Variants in SEC14L4 observed in about 807,000 individuals in gnomAD.
SEC14L4 encodes the protein SEC14-like protein 4.
In SEC14L4, 42 loss-of-function variants were observed where a neutral mutation model predicts 55.1. That is an observed-to-expected ratio of 0.76 (90% CI 0.60 to 0.99). The LOEUF is 0.99. SEC14L4 is among the 50% of genes least tolerant of loss of function. The pLI is 0.00. For synonymous variants in SEC14L4, 206 were observed against 206.8 expected (o/e 1.00, Z 0.03); for missense variants, 445 against 512.1 (o/e 0.87, Z 1.27).
intron 2 of SEC14L4, among the ~76,000 whole-genome samples, chr22:30,502,759 C>G (rs996490964): frequency 6.6e-6 from 1 of 152,150 alleles, no homozygotes; most frequent in African/African-American, 2.4e-5. Flanking sequence ...CCATGTTGCC[C>G]AGGCTGGTCT....
chr22:30,492,095 C>T lies in SEC14L4; in HGVS notation c.725G>A (p.Gly242Glu), dbSNP rs1206844430. The change falls in exon 9 of 12, where the codon GGG (glycine) becomes GAG (glutamate). Residue 242 changes from glycine (G) to glutamate (E), a missense_variant. Coordinates refer to ENST00000255858, the MANE Select transcript of SEC14L4 (RefSeq NM_174977.4). ...ISPDQLPVEF[G>E]GTMTDPDGNP... Reference sequence around the variant, plus strand: ...GCCATCGGGGTCAGTCATGGTCCCCCCAAACTCCACAGGCAGCTGGTCGGG... The same window carrying T: ...GCCATCGGGGTCAGTCATGGTCCCCTCAAACTCCACAGGCAGCTGGTCGGG... 1 of 1,613,766 alleles carries T rather than the reference C, an allele frequency of 6.2e-7. No individual in the cohort carries two copies. The highest frequency in any genetic ancestry group is 8.5e-7 in the Non-Finnish European group (1 of 1,179,864).
intron 1 of SEC14L4, 117 bp from the exon 2 acceptor site, chr22:30,503,869 G>A: frequency 1.4e-6 from 1 of 712,078 alleles, no homozygotes; most frequent in Non-Finnish European, 2.4e-6. Context: ...GACCATGCAG[G>A]GTGCTGCCCT....
intron 1 of SEC14L4, among the ~76,000 whole-genome samples, chr22:30,504,930 G>A (rs1174960929): frequency 6.6e-6 from 1 of 152,100 alleles, no homozygotes; most frequent in South Asian, 2.1e-4. Flanking sequence ...GCCTGTCCAA[G>A]AGACCTGCCT....
At chr22:30,494,657 G>A (rs1936078832) in intron 6 of SEC14L4, among the ~76,000 whole-genome samples, 1 of 152,160 alleles carries the variant, frequency 6.6e-6, no homozygotes, top group Non-Finnish European at 1.5e-5. Flanking sequence ...TGACAGGCGT[G>A]AGCCACCACG....
In SEC14L4 at chr22:30,491,589, G is replaced by A; in HGVS notation, c.1065C>T (p.Cys355=). 6.2e-7 allele frequency: 1 copy of A among 1,614,162 alleles called. No individual in the cohort carries two copies. Among genetic ancestry groups the A allele is most frequent in the Non-Finnish European group, 8.5e-7 (1 of 1,180,014 alleles). The change falls in exon 11 of 12, where the codon TGC becomes TGT. Residue 355 remains cysteine (C), a synonymous_variant. Transcript: ENST00000255858. ...AGCTCTTACAGACGCCAGCCTGGAGGCAGGTGAGGCTCCCATCCTCAGGCA... is the reference window on the plus strand; with the variant it reads ...AGCTCTTACAGACGCCAGCCTGGAGACAGGTGAGGCTCCCATCCTCAGGCA... ...HMVPEDGSLT[C]LQAGVYVLRF...
Position 30,489,980 on chromosome 22 carries a change from A to T in SEC14L4, c.*127T>A. 6.4e-7 allele frequency: 1 copy of T among 1,555,386 alleles called. No individual in the cohort carries two copies. Among genetic ancestry groups the T allele is most frequent in the Non-Finnish European group, 8.7e-7 (1 of 1,148,710 alleles). On this transcript the variant is annotated 3_prime_UTR_variant, in exon 12 of 12. Transcript: ENST00000255858. ...CTGTGCCAGGTGAGCCTACAATGAG[A>T]TGAAATGGTGACGTGGGACAAGTGG... is the stretch of plus-strand genomic sequence containing the variant.
chr22:30,504,448 G>GT (rs1279740382), intron 1 of SEC14L4, among the ~76,000 whole-genome samples: 1 of 152,184 alleles, frequency 6.6e-6, no homozygotes. Context: ...CATCTTGAGG[G>GT]TTTAGATTTA....
In SEC14L4 at chr22:30,505,675, T is replaced by A; in HGVS notation, c.-64A>T. The A allele has an allele frequency of 6.9e-7, 1 of 1,454,128 alleles. No homozygotes were observed. The highest frequency in any genetic ancestry group is 9.2e-7 in the Non-Finnish European group (1 of 1,086,622). The allele number at this position is 1,454,128 out of a possible 1,614,324, so 90.1% of individuals were successfully genotyped here. Reference sequence around the variant, plus strand: ...GCCCGCCCGCCGCCGCCTGGCCTTGTATCCGCTGCCGCCTGGTTGTGCCTC... The same window carrying A: ...GCCCGCCCGCCGCCGCCTGGCCTTGAATCCGCTGCCGCCTGGTTGTGCCTC... On this transcript the variant is annotated 5_prime_UTR_variant, in exon 1 of 12. Transcript: ENST00000255858.
chr22:30,500,442 T>G (rs147730112), intron 2 of SEC14L4, among the ~76,000 whole-genome samples: 9 of 152,234 alleles, frequency 5.9e-5, no homozygotes, highest in African/African-American at 2.2e-4. Context: ...TTTTCTGTTG[T>G]GTTGTTTGTT....
chr22:30,495,868 C>G, intron 3 of SEC14L4, 60 bp downstream of exon 3: 2 of 1,593,614 alleles, frequency 1.3e-6, no homozygotes. Context: ...TACCCTTTTG[C>G]AGCAAATCCC....
At chr22:30,495,669 G>T (rs781697018) in intron 3 of SEC14L4, 27 bp from the exon 4 acceptor site, 2 of 1,614,050 alleles carry the variant, frequency 1.2e-6, no homozygotes, top group East Asian at 4.5e-5. Context: ...GGAGCTATAG[G>T]ATTTTGCAGG....
intron 8 of SEC14L4, 115 bp downstream of exon 8, chr22:30,492,359 G>A (rs1935991799): frequency 4.3e-6 from 5 of 1,175,928 alleles, no homozygotes; most frequent in Non-Finnish European, 6.2e-6. Flanking sequence ...AGGCTCACCA[G>A]GGTCAGGCCA....
chr22:30,502,712 G>A (rs1413141346), intron 2 of SEC14L4, among the ~76,000 whole-genome samples: 8 of 151,966 alleles, frequency 5.3e-5, no homozygotes, highest in Non-Finnish European at 1.2e-4. Context: ...CAGCTCACCC[G>A]GCTAATTTTT....
Position 30,494,153 on chromosome 22 carries a change from G to T in SEC14L4, c.577C>A (p.Arg193=). ...PETLKNLIVI[R]APKLFPVAFN... is the part of the protein sequence containing the mutation. ...GTCATCCCGGTCATGGGCTTACCTCGAATAACAATTAAATTCTTCAGGGTC... is the reference window on the plus strand; with the variant it reads ...GTCATCCCGGTCATGGGCTTACCTCTAATAACAATTAAATTCTTCAGGGTC... The change falls in exon 7 of 12, where the codon CGA becomes AGA. Residue 193 remains arginine (R), a synonymous_variant. Coordinates refer to ENST00000255858, the MANE Select transcript of SEC14L4 (RefSeq NM_174977.4). 6.2e-7 allele frequency: 1 copy of T among 1,612,614 alleles called. No homozygotes were observed. Among genetic ancestry groups the T allele is most frequent in the South Asian group, 1.1e-5 (1 of 91,014 alleles).
intron 2 of SEC14L4, among the ~76,000 whole-genome samples, chr22:30,501,953 G>A (rs111853108): frequency 8.5e-4 from 125 of 146,890 alleles, no homozygotes; most frequent in African/African-American, 3.0e-3. Flanking sequence ...TGCAACCTCC[G>A]CCTCCTGGGT....
chr22:30,490,619 G>A lies in SEC14L4; in HGVS notation c.1082-373C>T, dbSNP rs185552732. ...CACAGTATGCTCGTACTGCGTCCTC[G>A]CCTAGTTGCGGTTGCACAGGTAGCT... is the stretch of plus-strand genomic sequence containing the variant. On this transcript the variant is annotated intron_variant, in intron 11 of 11. Coordinates refer to ENST00000255858, the MANE Select transcript of SEC14L4 (RefSeq NM_174977.4). 5.3e-5 allele frequency among the ~76,000 whole-genome samples: 8 copies of A among 152,322 alleles called. No homozygotes were observed. The East Asian group carries it at 5.8e-4, about 11-fold the overall frequency.
At chr22:30,494,781 A>C (rs1012822859) in intron 6 of SEC14L4, 85 bp downstream of exon 6, 21 of 892,180 alleles carry the variant, frequency 2.4e-5, no homozygotes, top group Admixed American at 8.8e-5. Flanking sequence ...CCTCTATCTC[A>C]CTGGATTCTC....
chr22:30,490,120 G>A lies in SEC14L4; in HGVS notation c.1208C>T (p.Ser403Phe), dbSNP rs1053192751. 1.9e-6 allele frequency: 3 copies of A among 1,613,956 alleles called. No homozygotes were observed. The highest frequency in any genetic ancestry group is 2.5e-6 in the Non-Finnish European group (3 of 1,179,966). The change falls in exon 12 of 12, where the codon TCC becomes TTC. Residue 403 changes from serine to phenylalanine, a missense_variant. Transcript: ENST00000255858. ...TGGCTGGGGTCTTCACTGTGTTGGGGAGGGTCTCATCGCCTTGAGACTCTG... is the reference window on the plus strand; with the variant it reads ...TGGCTGGGGTCTTCACTGTGTTGGGAAGGGTCTCATCGCCTTGAGACTCTG... ...TLQSLKAMRPSPTQ is the reference protein window; with the variant it reads ...TLQSLKAMRPFPTQ
chr22:30,501,219 T>C (rs1568948711), intron 2 of SEC14L4, among the ~76,000 whole-genome samples: 1 of 152,112 alleles, frequency 6.6e-6, no homozygotes, highest in Non-Finnish European at 1.5e-5. Flanking sequence ...GAGCTGACGC[T>C]GAAGTGGACG....
Sources: gnomAD v4.1 joint callset for allele counts (sites outside exome capture counted in the v4.1 genomes callset) on GRCh38, gnomAD v4.1.1 for gene constraint, MANE v1.5 for transcripts, NCBI Gene and HGNC (gene_info 2026-07-23, HGNC 2026-07-21) for gene names.